Variants in ZC3H14 observed in about 807,000 individuals in gnomAD.
ZC3H14 encodes the protein zinc finger CCCH domain-containing protein 14.
A neutral mutation model predicts 92.4 loss-of-function variants in ZC3H14; 31 were observed. The observed-to-expected ratio is 0.34, with a 90% CI of 0.25 to 0.45. ZC3H14 has a LOEUF of 0.45. Ranked by LOEUF, ZC3H14 falls within the 20% of genes least tolerant of loss-of-function variation. The pLI is 1.00. For missense variants in ZC3H14, 781 were observed against 897.3 expected, an observed-to-expected ratio of 0.87 and a Z score of 1.66; for synonymous variants, 321 against 300.9, an observed-to-expected ratio of 1.07 and a Z score of -0.69.
In ZC3H14 at chr14:88,621,976, TTCC is replaced by T; in HGVS notation, c.*10227_*10229del. ...TACTACAGAATACTAAAACATACTATTCCTATCTGGCTGTGTAAACTTGTATCC... is the reference window on the plus strand; with the variant it reads ...TACTACAGAATACTAAAACATACTATTATCTGGCTGTGTAAACTTGTATCC... On this transcript the variant is annotated 3_prime_UTR_variant, in exon 17 of 17. Transcript: ENST00000251038. 1 of 429,808 alleles carries T rather than the reference TTCC, an allele frequency of 2.3e-6. No homozygotes were observed. Among genetic ancestry groups the T allele is most frequent in the Non-Finnish European group, 4.7e-6 (1 of 212,694 alleles). 26.6% of individuals were successfully genotyped at this position (429,808 alleles called of 1,614,324 possible). A position where few individuals can be genotyped will look rare whatever the true frequency, so the allele number is the denominator to read the frequency against.
At position 88,602,871 on chromosome 14, in the gene ZC3H14, G is replaced by A. The variant is rs964445817; in HGVS notation, c.1558G>A (p.Val520Met). The A allele has an allele frequency of 1.2e-6, 2 of 1,614,058 alleles. No homozygotes were observed. The highest frequency in any genetic ancestry group is 2.7e-5 in the African/African-American group (2 of 74,924). ...TAAACCTGCAAGTCCCAAGTTTATA[G>A]TGACGCTGGATGGTGTCCCCAGCCC... is the stretch of plus-strand genomic sequence containing the variant. The part of the protein sequence containing the change: ...PDKPASPKFI[V>M]TLDGVPSPPG... Residue 520 changes from valine (V) to methionine (M), a missense_variant, in exon 12 of 17, where the codon GTG becomes ATG. Val to Met is a conservative substitution (Grantham distance 21). This residue lies in a region of ZC3H14 where 221 missense variants were observed against 304.7 expected (regional missense o/e 0.73). Coordinates refer to ENST00000251038, the MANE Select transcript of ZC3H14 (RefSeq NM_024824.5).
At chr14:88,608,573 G>A in intron 13 of ZC3H14, 1 of 227,330 alleles carries the variant, frequency 4.4e-6, no homozygotes, top group East Asian at 1.5e-4. Context: ...GGACCTGTGA[G>A]ATACTGAAAT....
chr14:88,584,518 C>A (rs2082260929), intron 9 of ZC3H14, among the ~76,000 whole-genome samples: 1 of 152,172 alleles, frequency 6.6e-6, no homozygotes, highest in Non-Finnish European at 1.5e-5. Flanking sequence ...GAAATGTAAG[C>A]AAACATAAAG....
intron 9 of ZC3H14, among the ~76,000 whole-genome samples, chr14:88,580,755 A>T (rs2081819119): frequency 6.6e-6 from 1 of 152,216 alleles, no homozygotes; most frequent in African/African-American, 2.4e-5. Context: ...ATTTACCCAG[A>T]ACCATAACAC....
At position 88,616,308 on chromosome 14, in the gene ZC3H14, GAACTAT is replaced by G; in HGVS notation, c.*4560_*4565del. ...CACAGAAGTCAAAGGCTCTTATTAG[GAACTAT>G]AATCTCTATGACAAGAGCTGTGGAG... On this transcript the variant is annotated 3_prime_UTR_variant, in exon 17 of 17. Coordinates refer to ENST00000251038, the MANE Select transcript of ZC3H14 (RefSeq NM_024824.5). The G allele has an allele frequency of 6.9e-7, 1 of 1,440,258 alleles. No individual in the cohort carries two copies. The highest frequency in any genetic ancestry group is 9.8e-7 in the Non-Finnish European group (1 of 1,023,246). The allele number at this position is 1,440,258 out of a possible 1,614,324, so 89.2% of individuals were successfully genotyped here.
At chr14:88,591,941 A>T (rs1427906587) in intron 9 of ZC3H14, 1 of 152,212 alleles carries the variant, frequency 6.6e-6, no homozygotes, top group Non-Finnish European at 1.5e-5. Flanking sequence ...TCTGTACCCT[A>T]GTTTCCTAAT....
At chr14:88,573,052 G>A in intron 6 of ZC3H14, 45 bp downstream of exon 6, 1 of 1,597,632 alleles carries the variant, frequency 6.3e-7, no homozygotes, top group Non-Finnish European at 8.6e-7. Context: ...AAAATCGGCA[G>A]TTCTTGATAC....
intron 8 of ZC3H14, 41 bp from the exon 9 acceptor site, chr14:88,577,944 A>G: frequency 6.2e-7 from 1 of 1,611,924 alleles, no homozygotes; most frequent in Non-Finnish European, 8.5e-7. Flanking sequence ...TTGACGTATT[A>G]CTGCATTTGT....
At position 88,625,995 on chromosome 14, in the gene ZC3H14, C is replaced by G. The variant is rs1345285682; in HGVS notation, c.*14244C>G. On this transcript the variant is annotated 3_prime_UTR_variant, in exon 17 of 17. Transcript: ENST00000251038. Reference sequence around the variant, plus strand: ...GAGATGGAATAAAGTGAGAGGAGAGCAGGTCTCCTGAACACCCTTCTGTCA... The same window carrying G: ...GAGATGGAATAAAGTGAGAGGAGAGGAGGTCTCCTGAACACCCTTCTGTCA... The G allele has an allele frequency of 6.6e-6, 1 of 152,164 alleles. No homozygotes were observed. Among genetic ancestry groups the G allele is most frequent in the African/African-American group, 2.4e-5 (1 of 41,426 alleles). 9.4% of individuals were successfully genotyped at this position (152,164 alleles called of 1,614,324 possible).
rs1308398656 is a variant in ZC3H14 at position 88,618,898 on chromosome 14, TAAAAG to T, written c.*7148_*7152del. The T allele has an allele frequency of 2.2e-6, 3 of 1,388,042 alleles. No homozygotes were observed. The highest frequency in any genetic ancestry group is 2.9e-6 in the Non-Finnish European group (3 of 1,043,054). The allele number at this position is 1,388,042 out of a possible 1,614,324, so 86.0% of individuals were successfully genotyped here. A position where few individuals can be genotyped will look rare whatever the true frequency, so the allele number is the denominator to read the frequency against. On this transcript the variant is annotated 3_prime_UTR_variant, in exon 17 of 17. Coordinates refer to ENST00000251038, the MANE Select transcript of ZC3H14 (RefSeq NM_024824.5). ...TCAGTGACTTTTCCTTTCTAGTTCT[TAAAAG>T]TAACGTGTGATAAGGCCTCAAATAG...
At chr14:88,594,622 T>C in intron 9 of ZC3H14, 1 of 1,600,318 alleles carries the variant, frequency 6.2e-7, no homozygotes. Context: ...CCTTGATCAC[T>C]GCTTTTACTT....
chr14:88,569,394 G>T (rs975549654), intron 3 of ZC3H14, among the ~76,000 whole-genome samples: 1 of 152,070 alleles, frequency 6.6e-6, no homozygotes, highest in Non-Finnish European at 1.5e-5. Context: ...GAGATTATAA[G>T]TTTTTTTAAG....
chr14:88,584,949 TAAAAAAA>T (rs568654901), intron 9 of ZC3H14, among the ~76,000 whole-genome samples: 1 of 147,266 alleles, frequency 6.8e-6, no homozygotes, highest in Admixed American at 6.8e-5. Context: ...GAACCATGGT[TAAAAAAA>T]AAAGAAAAAG....
chr14:88,593,257 C>T (rs1421192599), intron 9 of ZC3H14, among the ~76,000 whole-genome samples: 1 of 152,150 alleles, frequency 6.6e-6, no homozygotes, highest in African/African-American at 2.4e-5. Context: ...TGAGTCACCA[C>T]GCCCAGCCTA....
intron 8 of ZC3H14, among the ~76,000 whole-genome samples, chr14:88,577,393 C>A (rs2081308338): frequency 6.6e-6 from 1 of 152,038 alleles, no homozygotes; most frequent in Admixed American, 6.5e-5. Flanking sequence ...CTTAAATAAA[C>A]CGCATTTTGT....
chr14:88,568,006 A>G (rs1038580653), intron 2 of ZC3H14, 33 bp from the exon 3 acceptor site: 19 of 1,584,576 alleles, frequency 1.2e-5, no homozygotes, highest in Non-Finnish European at 1.4e-5. Flanking sequence ...TTTTGAGGAA[A>G]CAAAGTTTTG....
Position 88,578,034 on chromosome 14 carries a change from A to G in ZC3H14, c.1173A>G (p.Gln391=), listed in dbSNP as rs2081388357. Residue 391 remains glutamine (Q), a synonymous_variant, in exon 9 of 17, where the codon CAA becomes CAG. Transcript: ENST00000251038. ...LPVAPRTRTS[Q]EELLAEVVQG... is the part of the protein sequence containing the mutation. ...TTGCTCCCAGAACTCGAACTTCTCA[A>G]GAAGAATTGCTAGCAGAAGTGGTCC... 4.3e-6 allele frequency: 7 copies of G among 1,614,188 alleles called. No individual in the cohort carries two copies. In the South Asian group the frequency reaches 4.4e-5, roughly 10 times the overall value.
At chr14:88,609,491 G>A in intron 14 of ZC3H14, 88 bp downstream of exon 14, 2 of 1,598,582 alleles carry the variant, frequency 1.3e-6, no homozygotes, top group Non-Finnish European at 1.7e-6. Flanking sequence ...AACAAAAGAT[G>A]GTTTCAGAAA....
Position 88,620,929 on chromosome 14 carries a change from G to C in ZC3H14, c.*9178G>C. 7.0e-7 allele frequency: 1 copy of C among 1,427,870 alleles called. No individual in the cohort carries two copies. Among genetic ancestry groups the C allele is most frequent in the Non-Finnish European group, 9.1e-7 (1 of 1,099,382 alleles). The allele number at this position is 1,427,870 out of a possible 1,614,324, so 88.5% of individuals were successfully genotyped here. On this transcript the variant is annotated 3_prime_UTR_variant, in exon 17 of 17. Transcript: ENST00000251038. This position sits in a 1 kb window ranked among gnomAD's most constrained non-coding sequence, Gnocchi z 4.3. ...AAATTCACTTTGTTTAACATCTTCT[G>C]CATTTAAAAAAAAAAAAAAAAAGAG...
Sources: allele counts gnomAD v4.1 joint callset (sites outside exome capture counted in the v4.1 genomes callset), GRCh38; gene constraint gnomAD v4.1.1; regional missense constraint gnomAD v4.1.1; non-coding constraint Gnocchi (gnomAD v3.1); transcripts MANE v1.5; gene names NCBI Gene and HGNC (gene_info 2026-07-23, HGNC 2026-07-21).